Variants in SLC35E4 observed in about 807,000 individuals in gnomAD.
SLC35E4 encodes solute carrier family 35 member E4.
In SLC35E4, 15 loss-of-function variants were observed where a neutral mutation model predicts 19.3. That is an observed-to-expected ratio of 0.78 (90% CI 0.52 to 1.20). The LOEUF is 1.20. Among genes scored for constraint, SLC35E4 ranks in the 50% most tolerant of loss-of-function variants. The pLI is 0.00. For missense variants in SLC35E4, 406 were observed against 472.3 expected, an observed-to-expected ratio of 0.86 and a Z score of 1.30; for synonymous variants, 219 against 219.9, an observed-to-expected ratio of 1.00 and a Z score of 0.04.
intron 1 of SLC35E4, among the ~76,000 whole-genome samples, chr22:30,641,380 G>A (rs961171225): frequency 3.9e-5 from 6 of 152,132 alleles, no homozygotes; most frequent in Non-Finnish European, 8.8e-5. Flanking sequence ...GGCTCCTGCG[G>A]TATCCTCTGC....
At chr22:30,655,949 A>G (rs977397254) in intron 2 of SLC35E4, among the ~76,000 whole-genome samples, 2 of 148,726 alleles carry the variant, frequency 1.3e-5, no homozygotes, top group African/African-American at 5.0e-5. Context: ...TTTTTTTCTT[A>G]TTTTCATTCA....
At position 30,636,444 on chromosome 22, in the gene SLC35E4, G is replaced by A; in HGVS notation, c.-7G>A. On this transcript the variant is annotated 5_prime_UTR_variant, in exon 1 of 2. Transcript: ENST00000343605. The stretch of plus-strand genomic sequence containing the variant: ...GCCCGCCTCCTGCCCTAGCCTCACT[G>A]GTGCGGATGTGCCGCTGCCCGCCGG... 1 of 1,476,302 alleles carries A rather than the reference G, an allele frequency of 6.8e-7. No homozygotes were observed. The allele number at this position is 1,476,302 out of a possible 1,614,324, so 91.5% of individuals were successfully genotyped here.
At chr22:30,652,354 G>T (rs1278368494), downstream of SLC35E4, 1 of 152,184 alleles carries the variant, frequency 6.6e-6, no homozygotes, top group African/African-American at 2.4e-5. Flanking sequence ...TCAGAATCTT[G>T]CAGCCTCCAG....
At chr22:30,651,409 A>G (rs1375754481), downstream of SLC35E4, among the ~76,000 whole-genome samples, 103 of 63,020 alleles carry the variant, frequency 1.6e-3, no homozygotes, top group African/African-American at 7.5e-3. Context: ...GTATATATAT[A>G]TATATATATA....
chr22:30,636,116 T>G lies in SLC35E4; in HGVS notation c.-335T>G. ...ACTGAAGAGAAAAAAGGAACGAGGA[T>G]TTCATCTAAAAGCATAACGTGGGCA... On this transcript the variant is annotated 5_prime_UTR_variant, in exon 1 of 2. Transcript: ENST00000343605. 2 of 301,292 alleles carry G rather than the reference T, an allele frequency of 6.6e-6. No individual in the cohort carries two copies. Among genetic ancestry groups the G allele is most frequent in the Non-Finnish European group, 6.2e-6 (1 of 162,564 alleles). The allele number at this position is 301,292 out of a possible 1,614,324, so 18.7% of individuals were successfully genotyped here.
Position 30,636,298 on chromosome 22 carries a change from A to C in SLC35E4, c.-153A>C. On this transcript the variant is annotated 5_prime_UTR_variant, in exon 1 of 2. Transcript: ENST00000343605. ...CTTAGCTTCTAGACATCGCTGGCAC[A>C]GGCCTGGCACAAGTAAGCAGTGTCC... is the stretch of plus-strand genomic sequence containing the variant. 1 of 1,106,908 alleles carries C rather than the reference A, an allele frequency of 9.0e-7. No homozygotes were observed. Among genetic ancestry groups the C allele is most frequent in the Non-Finnish European group, 1.2e-6 (1 of 811,224 alleles). The allele number at this position is 1,106,908 out of a possible 1,614,324, so 68.6% of individuals were successfully genotyped here.
intron 1 of SLC35E4, among the ~76,000 whole-genome samples, chr22:30,639,412 CG>C (rs543658246): frequency 7.0e-4 from 106 of 152,190 alleles, no homozygotes; most frequent in Middle Eastern, 3.4e-3. Flanking sequence ...GTTTCGGGCA[CG>C]CATTGTCATT....
chr22:30,657,301 ACACAC>A (rs372910112), intron 2 of SLC35E4, among the ~76,000 whole-genome samples: 10,966 of 58,450 alleles, frequency 0.19, 813 homozygotes, highest in East Asian at 0.44. Flanking sequence ...ACACACACAC[ACACAC>A]AAATTAGCCG....
chr22:30,644,722 C>G (rs2088100065), intron 1 of SLC35E4, among the ~76,000 whole-genome samples: 1 of 152,052 alleles, frequency 6.6e-6, no homozygotes, highest in African/African-American at 2.4e-5. Flanking sequence ...GCAAGAGAAC[C>G]AGACCCTGTC....
At chr22:30,651,397 GTGTATATATATATATATA>G (rs2088210656), downstream of SLC35E4, among the ~76,000 whole-genome samples, 1 of 52,638 alleles carries the variant, frequency 1.9e-5, no homozygotes, top group African/African-American at 1.4e-4. Flanking sequence ...GTGTGTGTGT[GTGTATATATATATATATA>G]TATATATATA....
chr22:30,668,599 C>G (rs1319150612), exon 3 of SLC35E4: 1 of 152,276 alleles, frequency 6.6e-6, no homozygotes, highest in Non-Finnish European at 1.5e-5. Context: ...TCGTGTGGTC[C>G]CAGCGCCCTA....
chr22:30,659,575 T>C (rs1569066374), intron 2 of SLC35E4, among the ~76,000 whole-genome samples: 1 of 152,142 alleles, frequency 6.6e-6, no homozygotes, highest in African/African-American at 2.4e-5. Context: ...TTTCAACATG[T>C]TGGCCAGGGT....
At chr22:30,651,559 C>T (rs184888751), downstream of SLC35E4, among the ~76,000 whole-genome samples, 382 of 147,644 alleles carry the variant, frequency 2.6e-3, 2 homozygotes, top group Middle Eastern at 0.011. Context: ...GGATTACAGG[C>T]GTGAGCCACT....
rs762545872 is a variant in SLC35E4 at position 30,636,877 on chromosome 22, A to G, written c.427A>G (p.Thr143Ala). The change falls in exon 1 of 2, where the codon ACA (threonine) becomes GCA (alanine). Residue 143 changes from threonine (T) to alanine (A), a missense_variant. By Grantham distance (58) the Thr-to-Ala change is moderately conservative (BLOSUM62 0). Transcript: ENST00000343605. The stretch of plus-strand genomic sequence containing the variant: ...CCTGGCACAACTGGTTACTACCACC[A>G]CACCTCTGTTCACCCTGGCCCTGTC... ...LDLAQLVTTT[T>A]PLFTLALSAL... is the part of the protein sequence containing the mutation. The G allele has an allele frequency of 8.1e-6, 13 of 1,612,812 alleles. No homozygotes were observed. Among genetic ancestry groups the G allele is most frequent in the South Asian group, 1.1e-5 (1 of 90,964 alleles).
chr22:30,667,211 C>G (rs944069424), downstream of SLC35E4: 1 of 152,100 alleles, frequency 6.6e-6, no homozygotes, highest in Non-Finnish European at 1.5e-5. Flanking sequence ...TGAGACACAG[C>G]GCGGAAAAGG....
chr22:30,654,312 G>C, intron 2 of SLC35E4: 1 of 460,998 alleles, frequency 2.2e-6, no homozygotes, highest in Non-Finnish European at 4.3e-6. Context: ...TATTCTGGTA[G>C]TGGATCTTGG....
chr22:30,661,155 A>C (rs1410833195), intron 2 of SLC35E4, among the ~76,000 whole-genome samples: 1 of 152,034 alleles, frequency 6.6e-6, no homozygotes, highest in Non-Finnish European at 1.5e-5. Context: ...TTGTATTTCT[A>C]TATACTAATA....
At chr22:30,666,517 G>A (rs2145629275), downstream of SLC35E4, among the ~76,000 whole-genome samples, 1 of 150,594 alleles carries the variant, frequency 6.6e-6, no homozygotes, top group East Asian at 2.0e-4. Flanking sequence ...AGCTACTCAG[G>A]AGGCTGAGAC....
At chr22:30,660,449 A>G (rs1258191387) in intron 2 of SLC35E4, among the ~76,000 whole-genome samples, 1 of 152,172 alleles carries the variant, frequency 6.6e-6, no homozygotes, top group Non-Finnish European at 1.5e-5. Flanking sequence ...CTGGGACTAC[A>G]GGTGCATGCC....
Sources: gnomAD v4.1 joint callset for allele counts (sites outside exome capture counted in the v4.1 genomes callset) on GRCh38, gnomAD v4.1.1 for gene constraint, MANE v1.5 for transcripts, NCBI Gene and HGNC (gene_info 2026-07-23, HGNC 2026-07-21) for gene names.